Variants in LRRC69 observed in about 807,000 individuals in gnomAD.
The protein encoded by LRRC69 is leucine-rich repeat-containing protein 69.
Under a neutral mutation model 37.8 loss-of-function variants are expected in LRRC69, and 42 were observed. That is an observed-to-expected ratio of 1.11 (90% CI 0.87 to 1.44). The LOEUF is 1.44. LRRC69 is among the 40% of genes most tolerant of loss of function. LRRC69 has a pLI of 0.00. For missense variants in LRRC69, 357 were observed against 401.9 expected (o/e 0.89, Z 0.96); for synonymous variants, 141 against 143.1 (o/e 0.99, Z 0.11).
intron 7 of LRRC69, among the ~76,000 whole-genome samples, chr8:91,208,204 T>G (rs1249270134): frequency 6.6e-6 from 1 of 152,202 alleles, no homozygotes; most frequent in Non-Finnish European, 1.5e-5. Flanking sequence ...TGACACAGTT[T>G]AGCCCGTAAC....
intron 6 of LRRC69, among the ~76,000 whole-genome samples, chr8:91,195,038 G>T (rs1809571070): frequency 6.6e-6 from 1 of 152,186 alleles, no homozygotes; most frequent in Non-Finnish European, 1.5e-5. Context: ...ATTCTGGTAT[G>T]TTGTGTCTTT....
chr8:91,184,854 AAG>A (rs1809379411), intron 5 of LRRC69, among the ~76,000 whole-genome samples: 1 of 152,216 alleles, frequency 6.6e-6, no homozygotes, highest in Admixed American at 6.5e-5. Context: ...GAAGTGGAGA[AAG>A]AGTGAGAGAG....
chr8:91,144,045 A>T (rs926257572), intron 5 of LRRC69, among the ~76,000 whole-genome samples: 1 of 151,998 alleles, frequency 6.6e-6, no homozygotes, highest in South Asian at 2.1e-4. Context: ...CAGTAATGAT[A>T]GAATGAATGA....
At chr8:91,169,625 C>T (rs1809090533) in intron 5 of LRRC69, among the ~76,000 whole-genome samples, 1 of 144,302 alleles carries the variant, frequency 6.9e-6, no homozygotes, top group African/African-American at 2.6e-5. Context: ...CACCCACTAA[C>T]TCATCATCTA....
At chr8:91,185,520 G>A (rs1809394033) in intron 5 of LRRC69, among the ~76,000 whole-genome samples, 1 of 152,094 alleles carries the variant, frequency 6.6e-6, no homozygotes. Flanking sequence ...GTCACTTTCT[G>A]ACTATTTTCC....
chr8:91,185,874 C>A (rs1036199585), intron 5 of LRRC69, among the ~76,000 whole-genome samples: 12 of 152,126 alleles, frequency 7.9e-5, no homozygotes, highest in Admixed American at 7.2e-4. Context: ...TCATACCCTA[C>A]TTATTGGTTC....
intron 6 of LRRC69, among the ~76,000 whole-genome samples, chr8:91,194,474 T>TC (rs1420506604): frequency 1.3e-5 from 2 of 152,034 alleles, no homozygotes; most frequent in Non-Finnish European, 2.9e-5. Context: ...ATCCATCTGG[T>TC]CCTGGACTCT....
intron 1 of LRRC69, among the ~76,000 whole-genome samples, chr8:91,109,809 A>C (rs991007267): frequency 4.6e-5 from 7 of 152,074 alleles, no homozygotes; most frequent in African/African-American, 1.4e-4. Context: ...TGTTTTGAGA[A>C]ATATGACTTT....
At chr8:91,170,400 T>A (rs1390776709) in intron 5 of LRRC69, among the ~76,000 whole-genome samples, 3 of 148,544 alleles carry the variant, frequency 2.0e-5, no homozygotes, top group African/African-American at 7.5e-5. Flanking sequence ...TGGAAAAAAC[T>A]ACTTTAAAGT....
At chr8:91,189,651 C>T in intron 6 of LRRC69, 28 bp downstream of exon 6, 1 of 1,382,248 alleles carries the variant, frequency 7.2e-7, no homozygotes, top group African/African-American at 1.5e-5. Context: ...TAACTTAAGT[C>T]TTCAAACTAA....
intron 5 of LRRC69, among the ~76,000 whole-genome samples, chr8:91,150,878 T>TGTTTATA (rs1458763191): frequency 6.6e-6 from 1 of 152,054 alleles, no homozygotes; most frequent in East Asian, 1.9e-4. Flanking sequence ...TGCATAGAGG[T>TGTTTATA]GTTTATAGTA....
chr8:91,134,652 C>G (rs1813875353), intron 4 of LRRC69, among the ~76,000 whole-genome samples: 1 of 151,984 alleles, frequency 6.6e-6, no homozygotes, highest in Non-Finnish European at 1.5e-5. Context: ...ATTCCTTAAT[C>G]CAGTCAAGTT....
rs116050004 is a variant in LRRC69, at chr8:91,208,897, G to A, written c.933+8105G>A. Among the ~76,000 whole-genome samples, 1,387 of 152,246 alleles carry A rather than the reference G, an allele frequency of 9.1e-3. 28 individuals are homozygous for A. Among genetic ancestry groups the A allele is most frequent in the African/African-American group, 0.032 (1,343 of 41,534 alleles). ...GTACCCTGTGTCTTCTTGTTCTGAT[G>A]TTGAAGTCCCTTTTGTTTGCTGGTT... On this transcript the variant is annotated intron_variant, in intron 7 of 7. Transcript: ENST00000448384.
chr8:91,194,630 T>A (rs1232069330), intron 6 of LRRC69, among the ~76,000 whole-genome samples: 1 of 152,068 alleles, frequency 6.6e-6, no homozygotes, highest in African/African-American at 2.4e-5. Flanking sequence ...CTAGTTTATT[T>A]GCGTAGAGGT....
chr8:91,130,656 G>C (rs1813792275), intron 3 of LRRC69: 1 of 151,798 alleles, frequency 6.6e-6, no homozygotes, highest in Admixed American at 6.6e-5. Flanking sequence ...TGTACATTTG[G>C]GTTATTTCCA....
At chr8:91,190,161 T>G (rs928647074) in intron 6 of LRRC69, among the ~76,000 whole-genome samples, 5 of 152,176 alleles carry the variant, frequency 3.3e-5, no homozygotes, top group African/African-American at 1.2e-4. Context: ...TGAGATCCAT[T>G]TGGGTCTGTA....
intron 5 of LRRC69, among the ~76,000 whole-genome samples, chr8:91,171,293 G>A (rs765070181): frequency 1.3e-5 from 1 of 78,838 alleles, no homozygotes. Flanking sequence ...TGAAATTTTA[G>A]TATTAGTTAT....
At chr8:91,150,255 T>A (rs949824652) in intron 5 of LRRC69, among the ~76,000 whole-genome samples, 6 of 151,984 alleles carry the variant, frequency 3.9e-5, no homozygotes, top group African/African-American at 1.4e-4. Flanking sequence ...TTGAGATACA[T>A]CCCATCAATA....
At chr8:91,185,138 G>T (rs1004659637) in intron 5 of LRRC69, among the ~76,000 whole-genome samples, 2 of 152,226 alleles carry the variant, frequency 1.3e-5, no homozygotes, top group East Asian at 1.9e-4. Context: ...CAGGTATGGG[G>T]TGGGGACTGT....
Sources: gnomAD v4.1 joint callset for allele counts (sites outside exome capture counted in the v4.1 genomes callset) on GRCh38, gnomAD v4.1.1 for gene constraint, MANE v1.5 for transcripts, NCBI Gene and HGNC (gene_info 2026-07-23, HGNC 2026-07-21) for gene names.